The following MYH11 variants were observed in gnomAD, a reference collection of about 807,000 sequenced individuals.
MYH11 encodes the protein myosin-11.
A neutral mutation model predicts 246.6 loss-of-function variants in MYH11; 80 were observed. The observed-to-expected ratio is 0.32, with a 90% confidence interval of 0.27 to 0.39. MYH11 has a LOEUF of 0.39. Among genes scored for constraint, MYH11 ranks in the 10% least tolerant of loss-of-function variants. The pLI is 1.00. For missense variants in MYH11, 2,158 were observed against 2,546.8 expected (o/e 0.85, Z 3.29); for synonymous variants, 1,071 against 1,015.5 (o/e 1.05, Z -1.04).
intron 8 of MYH11, 62 bp from the exon 9 acceptor site, chr16:15,771,774 C>G: frequency 6.3e-7 from 1 of 1,594,912 alleles, no homozygotes; most frequent in East Asian, 2.2e-5. Flanking sequence ...AACATGAGAC[C>G]GAGATCTGGT....
At chr16:15,777,534 C>T (rs528766645) in intron 7 of MYH11, among the ~76,000 whole-genome samples, 1 of 152,238 alleles carries the variant, frequency 6.6e-6, no homozygotes, top group South Asian at 2.1e-4. Context: ...CGGGGCTATG[C>T]CTGGGGCTCG....
chr16:15,818,082 CTA>C (rs1261639926), intron 3 of MYH11, among the ~76,000 whole-genome samples: 1 of 152,184 alleles, frequency 6.6e-6, no homozygotes, highest in Non-Finnish European at 1.5e-5. Flanking sequence ...AACTTACTGT[CTA>C]TGTGACACAA....
At chr16:15,707,959 CAAA>C (rs59081092) in intron 40 of MYH11, among the ~76,000 whole-genome samples, 57,538 of 115,928 alleles carry the variant, frequency 0.5, 12,715 homozygotes, top group Middle Eastern at 0.59. Context: ...GACTCCGTCT[CAAA>C]AAAAAAAAAA....
At chr16:15,804,724 C>T (rs2042970421) in intron 3 of MYH11, among the ~76,000 whole-genome samples, 1 of 152,132 alleles carries the variant, frequency 6.6e-6, no homozygotes, top group Admixed American at 6.5e-5. Flanking sequence ...ATGGTCTTAC[C>T]TATTCTAGAT....
At chr16:15,713,971 G>A (rs2039970863) in intron 40 of MYH11, 1 of 152,396 alleles carries the variant, frequency 6.6e-6, no homozygotes, top group African/African-American at 2.4e-5. Flanking sequence ...GCACCAGGCA[G>A]ACAATGGGAT....
chr16:15,765,452 A>AATGG (rs1567741582), intron 9 of MYH11, among the ~76,000 whole-genome samples: 1 of 151,602 alleles, frequency 6.6e-6, no homozygotes, highest in Non-Finnish European at 1.5e-5. Flanking sequence ...TGGATGGATG[A>AATGG]ATGGATGGAT....
intron 1 of MYH11, among the ~76,000 whole-genome samples, chr16:15,848,053 C>T (rs907578942): frequency 2.0e-5 from 3 of 152,006 alleles, no homozygotes; most frequent in South Asian, 4.1e-4. Flanking sequence ...CTGGCAGATC[C>T]GGAAACCTGA....
At chr16:15,793,510 C>T (rs984192272) in intron 4 of MYH11, among the ~76,000 whole-genome samples, 2 of 152,066 alleles carry the variant, frequency 1.3e-5, no homozygotes, top group African/African-American at 4.8e-5. Flanking sequence ...TCAGTTTGGT[C>T]TCAAACTTCT....
At position 15,714,855 on chromosome 16, in the gene MYH11, A is replaced by G. The variant is rs1838934039; in HGVS notation, c.5786+54T>C. ...CAGGCCGAAAGGAGCCCGAGCCCCCAGTGCTTTTCTCTGGCCTGAGAGACG... is the reference window on the plus strand; with the variant it reads ...CAGGCCGAAAGGAGCCCGAGCCCCCGGTGCTTTTCTCTGGCCTGAGAGACG... On this transcript the variant is annotated intron_variant, in intron 40 of 40. Transcript: ENST00000300036. 5.6e-6 allele frequency: 9 copies of G among 1,606,584 alleles called. No homozygotes were observed. The Admixed American group carries it at 1.2e-4, about 21-fold the overall frequency.
At chr16:15,810,432 A>C (rs959808343) in intron 3 of MYH11, among the ~76,000 whole-genome samples, 8 of 152,152 alleles carry the variant, frequency 5.3e-5, no homozygotes, top group African/African-American at 1.9e-4. Context: ...AAAGATAAAA[A>C]CGTGAACTTT....
intron 36 of MYH11, 34 bp downstream of exon 36, chr16:15,719,186 C>T: frequency 1.2e-6 from 2 of 1,602,334 alleles, no homozygotes; most frequent in Non-Finnish European, 8.5e-7. Flanking sequence ...CCATCCTCTG[C>T]TTCAGAGCCC....
chr16:15,812,865 C>T (rs938240787), intron 3 of MYH11, among the ~76,000 whole-genome samples: 1 of 149,348 alleles, frequency 6.7e-6, no homozygotes, highest in Admixed American at 6.7e-5. Flanking sequence ...AAAGTGAGAA[C>T]CTGTCTCAAA....
chr16:15,787,919 A>C (rs1288167734), intron 4 of MYH11, among the ~76,000 whole-genome samples: 2 of 151,874 alleles, frequency 1.3e-5, no homozygotes, highest in South Asian at 4.1e-4. Context: ...ATCCCACCCC[A>C]TGTATCAGGA....
At chr16:15,756,815 T>G (rs1013335792) in intron 13 of MYH11, among the ~76,000 whole-genome samples, 117 of 97,706 alleles carry the variant, frequency 1.2e-3, no homozygotes, top group African/African-American at 3.8e-3. Flanking sequence ...TTTTTTTTTT[T>G]GAGACAGAGT....
At position 15,838,255 on chromosome 16, in the gene MYH11, T is replaced by C; in HGVS notation, c.-3A>G. ...CTGAGTTGGCCCTTCTGCGCCATGGTGCCTTGTTGGTCCCCTGTGGAATAA... is the reference window on the plus strand; with the variant it reads ...CTGAGTTGGCCCTTCTGCGCCATGGCGCCTTGTTGGTCCCCTGTGGAATAA... On this transcript the variant is annotated 5_prime_UTR_variant, in exon 2 of 41. Coordinates refer to ENST00000300036, the MANE Select transcript of MYH11 (RefSeq NM_002474.3). 1 of 1,613,876 alleles carries C rather than the reference T, an allele frequency of 6.2e-7. No homozygotes were observed. The highest frequency in any genetic ancestry group is 8.5e-7 in the Non-Finnish European group (1 of 1,179,924).
chr16:15,801,537 C>T (rs2042886331), intron 3 of MYH11, among the ~76,000 whole-genome samples: 1 of 151,666 alleles, frequency 6.6e-6, no homozygotes, highest in South Asian at 2.1e-4. Flanking sequence ...TAGACATACC[C>T]CTTGTCCCAG....
intron 3 of MYH11, among the ~76,000 whole-genome samples, chr16:15,811,020 C>T (rs1225625783): frequency 6.6e-6 from 1 of 152,118 alleles, no homozygotes; most frequent in African/African-American, 2.4e-5. Flanking sequence ...TGCTGGAATC[C>T]TTACCCCTAA....
At chr16:15,805,617 G>C (rs1313255661) in intron 3 of MYH11, among the ~76,000 whole-genome samples, 1 of 152,208 alleles carries the variant, frequency 6.6e-6, no homozygotes, top group African/African-American at 2.4e-5. Flanking sequence ...GCCATGAAAA[G>C]AAAGGATGTT....
intron 2 of MYH11, among the ~76,000 whole-genome samples, chr16:15,826,231 T>C (rs1166441095): frequency 1.3e-5 from 2 of 151,970 alleles, no homozygotes; most frequent in Admixed American, 1.3e-4. Flanking sequence ...ATTAGAACAT[T>C]AAAAAAACAC....
Sources: allele counts gnomAD v4.1 joint callset (sites outside exome capture counted in the v4.1 genomes callset), GRCh38; gene constraint gnomAD v4.1.1; transcripts MANE v1.5; gene names NCBI Gene and HGNC (gene_info 2026-07-23, HGNC 2026-07-21).